RFX1: variants seen among roughly 807,000 people sequenced by gnomAD.
RFX1 encodes regulatory factor X1.
Under a neutral mutation model 119.6 loss-of-function variants are expected in RFX1, and 42 were observed. The observed-to-expected ratio is 0.35, with a 90% CI of 0.27 to 0.45. The LOEUF (loss-of-function observed/expected upper bound fraction) is 0.45. Among genes scored for constraint, RFX1 ranks in the 20% least tolerant of loss-of-function variants. The probability of loss-of-function intolerance (pLI) is 1.00; values close to 1 mark genes in which losing one functional copy is unlikely to be tolerated. For missense variants in RFX1, 1,118 were observed against 1,368.1 expected (o/e 0.82, Z 2.88); for synonymous variants, 628 against 618.5 (o/e 1.02, Z -0.23).
At chr19:13,992,037 C>T (rs1480864091) in intron 2 of RFX1, among the ~76,000 whole-genome samples, 1 of 152,146 alleles carries the variant, frequency 6.6e-6, no homozygotes, top group Non-Finnish European at 1.5e-5. Context: ...TTCCACAGCC[C>T]CTCAGGATGC....
Position 13,966,686 on chromosome 19 carries a change from C to T in RFX1, c.1798G>A (p.Val600Ile), listed in dbSNP as rs550390197. Reference sequence around the variant, plus strand: ...AAGGCTTTGATGTCCCCGGGCCCGACGCCCTCAGGCAGCACCTTGCCCTGG... The same window carrying T: ...AAGGCTTTGATGTCCCCGGGCCCGATGCCCTCAGGCAGCACCTTGCCCTGG... ...DLQGKVLPEG[V>I]GPGDIKAFQV... Residue 600 changes from valine to isoleucine, a missense_variant, in exon 13 of 21, where the codon GTC (valine) becomes ATC (isoleucine). By Grantham distance (29) the Val-to-Ile change is conservative (BLOSUM62 3). This residue lies in a region of RFX1 where 338 missense variants were observed against 508.9 expected (regional missense o/e 0.66). Transcript: ENST00000254325. The surrounding 1 kb of genome is among the most constrained non-coding windows in gnomAD (Gnocchi z 6.3). 2.0e-5 allele frequency: 32 copies of T among 1,611,290 alleles called. No individual in the cohort carries two copies. The highest frequency in any genetic ancestry group is 7.7e-5 in the South Asian group (7 of 90,966).
rs1481064282 is a variant in RFX1 at position 13,980,780 on chromosome 19, G to C, written c.622-91C>G. ...CACACACACCCTTCTCAGGAGAGCT[G>C]TCTGGGGAGGGCGGCAGTCTGTGGG... On this transcript the variant is annotated intron_variant, in intron 5 of 20. Coordinates refer to ENST00000254325, the MANE Select transcript of RFX1 (RefSeq NM_002918.5). The surrounding 1 kb of genome is among the most constrained non-coding windows in gnomAD (Gnocchi z 5.1). 2.0e-5 allele frequency: 7 copies of C among 352,706 alleles called. No homozygotes were observed. The highest frequency in any genetic ancestry group is 1.3e-4 in the South Asian group (2 of 15,104). The allele number at this position is 352,706 out of a possible 1,614,324, so 21.8% of individuals were successfully genotyped here.
chr19:13,983,312 C>A, intron 3 of RFX1, 42 bp from the exon 4 acceptor site: 1 of 1,498,564 alleles, frequency 6.7e-7, no homozygotes, highest in South Asian at 1.2e-5. Context: ...CCACTTCCCC[C>A]AGGGAGGCCT....
At chr19:13,983,728 T>TC in intron 2 of RFX1, 133 bp from the exon 3 acceptor site, 2 of 722,752 alleles carry the variant, frequency 2.8e-6, no homozygotes, top group Non-Finnish European at 4.6e-6. Context: ...GAGTCCTGCT[T>TC]CCCCCTGGCC....
At chr19:13,981,140 A>G (rs1422330716) in intron 5 of RFX1, among the ~76,000 whole-genome samples, 2 of 152,200 alleles carry the variant, frequency 1.3e-5, no homozygotes, top group Non-Finnish European at 2.9e-5. Flanking sequence ...CCTGGGTCAC[A>G]TGGCTGCAGG....
chr19:13,983,724 T>C, intron 2 of RFX1, 129 bp from the exon 3 acceptor site: 2 of 736,628 alleles, frequency 2.7e-6, no homozygotes, highest in Non-Finnish European at 4.5e-6. Context: ...CCAAGAGTCC[T>C]GCTTCCCCCT....
At position 13,990,820 on chromosome 19, in the gene RFX1, GA is replaced by G. The variant is rs76722725; in HGVS notation, c.319+2704del. Reference sequence around the variant, plus strand: ...TGTCAGAGCGAGACTTTGTCTCAAAGAAAAAAAAAAAAATTACCTGGGTGTG... The same window carrying G: ...TGTCAGAGCGAGACTTTGTCTCAAAGAAAAAAAAAAAATTACCTGGGTGTG... On this transcript the variant is annotated intron_variant, in intron 2 of 20. Coordinates refer to ENST00000254325, the MANE Select transcript of RFX1 (RefSeq NM_002918.5). The surrounding 1 kb of genome is among the most constrained non-coding windows in gnomAD (Gnocchi z 4.1). 0.011 allele frequency among the ~76,000 whole-genome samples: 1,385 copies of G among 131,476 alleles called. 8 individuals are homozygous for G. The highest frequency in any genetic ancestry group is 0.015 in the Non-Finnish European group (924 of 60,360). The allele number at this position is 131,476 out of a possible 152,430, so 86.3% of individuals were successfully genotyped here. A position where few individuals can be genotyped will look rare whatever the true frequency, so the allele number is the denominator to read the frequency against.
intron 1 of RFX1, among the ~76,000 whole-genome samples, chr19:14,004,998 T>C (rs769460815): frequency 2.6e-5 from 4 of 152,188 alleles, no homozygotes; most frequent in Admixed American, 6.6e-5. Context: ...TGTGACTCGG[T>C]TGACACTCGT....
chr19:13,989,331 G>A (rs541971759), intron 2 of RFX1, among the ~76,000 whole-genome samples: 11 of 152,230 alleles, frequency 7.2e-5, no homozygotes, highest in African/African-American at 2.6e-4. Context: ...ACATTTGCTA[G>A]TAGGGGCACA....
At position 13,973,050 on chromosome 19, in the gene RFX1, C is replaced by T; in HGVS notation, c.1007G>A (p.Gly336Asp). ...TASTSYYEAAGTATQVSTPAT... is the reference protein window; with the variant it reads ...TASTSYYEAADTATQVSTPAT... ...GGGGGTGCTGACCTGGGTGGCCGTG[C>T]CTGCGGCCTCGTAGTAGCTGGTGCT... is the stretch of plus-strand genomic sequence containing the variant. The change falls in exon 9 of 21, where the codon GGC becomes GAC. Residue 336 changes from glycine (G) to aspartate (D), a missense_variant. Transcript: ENST00000254325. 2 of 1,601,770 alleles carry T rather than the reference C, an allele frequency of 1.2e-6. No homozygotes were observed.
At chr19:14,002,113 G>C (rs1975236924) in intron 1 of RFX1, among the ~76,000 whole-genome samples, 1 of 151,408 alleles carries the variant, frequency 6.6e-6, no homozygotes, top group South Asian at 2.1e-4. Context: ...TCCAGCCTGG[G>C]CAACAAGAGA....
intron 1 of RFX1, among the ~76,000 whole-genome samples, chr19:14,001,498 G>A (rs1486171556): frequency 6.6e-6 from 1 of 152,050 alleles, no homozygotes. Context: ...ATGGGGTCTC[G>A]CTATGTTGCC....
chr19:13,978,155 C>A, intron 7 of RFX1, 69 bp from the exon 8 acceptor site: 1 of 1,179,874 alleles, frequency 8.5e-7, no homozygotes, highest in Admixed American at 1.9e-5. Context: ...CTCTAAAGGG[C>A]TGGTGCCCAC....
intron 20 of RFX1, 45 bp downstream of exon 20, chr19:13,962,949 C>A: frequency 6.5e-7 from 1 of 1,547,914 alleles, no homozygotes. Context: ...CCGTTGTCCG[C>A]CACCCCCGGG....
At chr19:13,971,086 C>A (rs1356583681) in intron 9 of RFX1, among the ~76,000 whole-genome samples, 1 of 151,902 alleles carries the variant, frequency 6.6e-6, no homozygotes, top group Non-Finnish European at 1.5e-5. Context: ...GTAATCCCAA[C>A]ACTTTGGGAG....
intron 18 of RFX1, 76 bp from the exon 19 acceptor site, chr19:13,963,351 G>A (rs1424308983): frequency 6.6e-6 from 10 of 1,507,154 alleles, no homozygotes; most frequent in Non-Finnish European, 8.9e-6. Context: ...GCTGCGATGC[G>A]CCCGGGCCTC....
At chr19:14,006,679 G>T (rs1018464997), upstream of RFX1, 1 of 152,278 alleles carries the variant, frequency 6.6e-6, no homozygotes. Context: ...GCTGGAGGCC[G>T]TGCGCATGCT....
intron 1 of RFX1, among the ~76,000 whole-genome samples, chr19:13,997,860 A>C (rs944199558): frequency 2.6e-5 from 4 of 152,014 alleles, no homozygotes; most frequent in African/African-American, 4.8e-5. Context: ...GCAGCAGAGA[A>C]ACTTGCCCAC....
Position 13,963,997 on chromosome 19 carries a change from G to T in RFX1, c.2222C>A (p.Ala741Asp). Residue 741 changes from alanine (A) to aspartate (D), a missense_variant, in exon 17 of 21, where the codon GCT becomes GAT. Transcript: ENST00000254325. ...EEMLRVKVAA[A>D]GAFAQTLRRY... ...CCGCAGTGTCTGCGCGAAGGCGCCAGCCGCGGCCACCTGCGTGCAGGGATT... is the reference window on the plus strand; with the variant it reads ...CCGCAGTGTCTGCGCGAAGGCGCCATCCGCGGCCACCTGCGTGCAGGGATT... 6.5e-7 allele frequency: 1 copy of T among 1,534,666 alleles called. No homozygotes were observed.
Sources: gnomAD v4.1 joint callset for allele counts (sites outside exome capture counted in the v4.1 genomes callset) on GRCh38, gnomAD v4.1.1 for gene constraint, gnomAD v4.1.1 regional missense constraint, Gnocchi (gnomAD v3.1) non-coding constraint, MANE v1.5 for transcripts, NCBI Gene and HGNC (gene_info 2026-07-23, HGNC 2026-07-21) for gene names.